Variants in HSPA12A observed in about 807,000 individuals in gnomAD.
HSPA12A encodes heat shock 70 kDa protein 12A.
HSPA12A carries 28 observed loss-of-function variants against 69.2 expected under a neutral mutation model. The observed-to-expected ratio is 0.40, with a 90% CI of 0.30 to 0.55. The LOEUF (loss-of-function observed/expected upper bound fraction) is 0.55. Ranked by LOEUF, HSPA12A falls within the 20% of genes least tolerant of loss-of-function variation. The probability of loss-of-function intolerance (pLI) is 0.38; values close to 1 mark genes in which losing one functional copy is unlikely to be tolerated. For missense variants in HSPA12A, 686 were observed against 900.7 expected, an observed-to-expected ratio of 0.76 and a Z score of 3.05; for synonymous variants, 345 against 370.5, an observed-to-expected ratio of 0.93 and a Z score of 0.79.
At chr10:116,683,759 G>C (rs782164334) in intron 7 of HSPA12A, 32 bp downstream of exon 7, 2 of 1,482,606 alleles carry the variant, frequency 1.3e-6, no homozygotes, top group Non-Finnish European at 1.8e-6. Flanking sequence ...GAAGGAAGGA[G>C]AGCAGGAGGG....
chr10:116,805,614 A>G (rs1001114064), intron 2 of HSPA12A, among the ~76,000 whole-genome samples: 11 of 152,102 alleles, frequency 7.2e-5, no homozygotes, highest in Non-Finnish European at 1.6e-4. Context: ...TTTGTCCTTG[A>G]AAAAAACAAA....
intron 1 of HSPA12A, among the ~76,000 whole-genome samples, chr10:116,724,471 G>T (rs1179218734): frequency 6.6e-6 from 1 of 152,154 alleles, no homozygotes; most frequent in African/African-American, 2.4e-5. Context: ...TCTTCTAAAA[G>T]AGAAGACCCC....
intron 2 of HSPA12A, among the ~76,000 whole-genome samples, chr10:116,752,748 C>T (rs1851801800): frequency 6.6e-6 from 1 of 152,180 alleles, no homozygotes; most frequent in Non-Finnish European, 1.5e-5. Flanking sequence ...GACTCATCTA[C>T]CCTCTCTGAT....
intron 2 of HSPA12A, among the ~76,000 whole-genome samples, chr10:116,783,391 G>C (rs1392242313): frequency 6.6e-6 from 1 of 152,204 alleles, no homozygotes; most frequent in South Asian, 2.1e-4. Context: ...TGGGAAGAGG[G>C]ACAGAGCCTG....
At position 116,795,777 on chromosome 10, in the gene HSPA12A, ATTAT is replaced by A. The variant is rs1352114126; in HGVS notation, c.91+39154_91+39157del. On this transcript the variant is annotated intron_variant, in intron 2 of 12. Transcript: ENST00000635765. ...ATATTAAATAAGTATATCATATATT[ATTAT>A]TTATAAATTATTATATACATAAATT... 4.7e-5 allele frequency among the ~76,000 whole-genome samples: 7 copies of A among 150,492 alleles called. No homozygotes were observed. The East Asian group carries it at 1.4e-3, about 29-fold the overall frequency.
chr10:116,711,468 A>G (rs1850424921), intron 1 of HSPA12A, among the ~76,000 whole-genome samples: 1 of 152,188 alleles, frequency 6.6e-6, no homozygotes, highest in Non-Finnish European at 1.5e-5. Flanking sequence ...CTCTATCAAG[A>G]AATGTGATCA....
intron 2 of HSPA12A, among the ~76,000 whole-genome samples, chr10:116,816,549 G>A (rs1845308351): frequency 6.6e-6 from 1 of 152,202 alleles, no homozygotes; most frequent in Admixed American, 6.5e-5. Context: ...TGTGGCTCAC[G>A]CACCTGACTT....
At position 116,696,002 on chromosome 10, in the gene HSPA12A, C is replaced by CAAAAAAAAAAAAAAAAAAAAAAAAA. The variant is rs71013609; in HGVS notation, c.546+2632_546+2633insTTTTTTTTTTTTTTTTTTTTTTTTT. On this transcript the variant is annotated intron_variant, in intron 5 of 11. Coordinates refer to ENST00000369209, the MANE Select transcript of HSPA12A (RefSeq NM_025015.3). ...TGGGCAACAGAGAGAGACTCCATCT[C>CAAAAAAAAAAAAAAAAAAAAAAAAA]AAAAAAAAAAAAAAAAAAAAAGGCT... Among the ~76,000 whole-genome samples, 9 of 32,722 alleles carry CAAAAAAAAAAAAAAAAAAAAAAAAA rather than the reference C, an allele frequency of 2.8e-4. 1 individual carries two copies. The highest frequency in any genetic ancestry group is 3.5e-4 in the Non-Finnish European group (7 of 19,856). 21.5% of individuals were successfully genotyped at this position (32,722 alleles called of 152,430 possible).
intron 2 of HSPA12A, among the ~76,000 whole-genome samples, chr10:116,763,019 G>A (rs1554889429): frequency 6.6e-6 from 1 of 152,154 alleles, no homozygotes; most frequent in Admixed American, 6.5e-5. Flanking sequence ...GCAATGACTT[G>A]GGTATGTCTG....
intron 2 of HSPA12A, among the ~76,000 whole-genome samples, chr10:116,783,491 G>A (rs1436943697): frequency 6.6e-6 from 1 of 152,176 alleles, no homozygotes; most frequent in African/African-American, 2.4e-5. Context: ...AGCACAGGCT[G>A]CACACGGACA....
intron 2 of HSPA12A, among the ~76,000 whole-genome samples, chr10:116,776,313 T>G (rs1554891145): frequency 6.6e-6 from 1 of 152,102 alleles, no homozygotes; most frequent in African/African-American, 2.4e-5. Flanking sequence ...CTTGGCCGCT[T>G]CCTCCCGCTG....
chr10:116,801,915 A>G (rs535641886), intron 2 of HSPA12A, among the ~76,000 whole-genome samples: 2 of 152,246 alleles, frequency 1.3e-5, no homozygotes, highest in East Asian at 3.9e-4. Flanking sequence ...TTGTGTCCAG[A>G]AAGTGTACAA....
In HSPA12A at chr10:116,705,267, G is replaced by A. The variant is rs1326084129; in HGVS notation, c.138C>T (p.Asp46=). ...LSPSHIVNDT[D]SNVSEQQSFL... is the part of the protein sequence containing the mutation. ...ATGACTGCTGTTCTGAGACGTTGGA[G>A]TCAGTGTCGTTCTGCAGATATACAG... is the stretch of plus-strand genomic sequence containing the variant. The change falls in exon 3 of 12, where the codon GAC becomes GAT. Residue 46 remains aspartate, a synonymous_variant. Coordinates refer to ENST00000369209, the MANE Select transcript of HSPA12A (RefSeq NM_025015.3). 1.9e-6 allele frequency: 3 copies of A among 1,614,072 alleles called. No homozygotes were observed. Among genetic ancestry groups the A allele is most frequent in the Admixed American group, 1.7e-5 (1 of 60,012 alleles).
In HSPA12A at chr10:116,710,535, T is replaced by C. The variant is rs1554882952; in HGVS notation, c.41-3250A>G. 6.6e-6 allele frequency among the ~76,000 whole-genome samples: 1 copy of C among 152,166 alleles called. No homozygotes were observed. The highest frequency in any genetic ancestry group is 1.5e-5 in the Non-Finnish European group (1 of 68,032). On this transcript the variant is annotated intron_variant, in intron 1 of 11. Transcript: ENST00000369209. This position sits in a 1 kb window ranked among gnomAD's most constrained non-coding sequence, Gnocchi z 4.1. ...AGAAGCAAGGATTTTTTGGTTCTGC[T>C]GTACCTCCCTTCAACCCCACGGCAA... is the stretch of plus-strand genomic sequence containing the variant.
At chr10:116,702,488 T>C (rs1030544455) in intron 3 of HSPA12A, among the ~76,000 whole-genome samples, 1 of 152,190 alleles carries the variant, frequency 6.6e-6, no homozygotes, top group Non-Finnish European at 1.5e-5. Context: ...CCACTGATAT[T>C]TGCTGCTCAA....
At chr10:116,791,729 G>A (rs1844705177) in intron 2 of HSPA12A, among the ~76,000 whole-genome samples, 1 of 152,044 alleles carries the variant, frequency 6.6e-6, no homozygotes, top group African/African-American at 2.4e-5. Flanking sequence ...GTTGAGAAAA[G>A]GTTGGCATCT....
intron 2 of HSPA12A, among the ~76,000 whole-genome samples, chr10:116,817,136 TA>T (rs763258525): frequency 1.4e-4 from 22 of 152,190 alleles, no homozygotes; most frequent in Non-Finnish European, 2.8e-4. Context: ...TCATATTTAT[TA>T]TTTTTTTGTT....
At chr10:116,782,907 G>A (rs988246031) in intron 2 of HSPA12A, among the ~76,000 whole-genome samples, 4 of 152,132 alleles carry the variant, frequency 2.6e-5, no homozygotes, top group African/African-American at 9.7e-5. Context: ...AACATACCAA[G>A]CCCAGGACAC....
At chr10:116,691,276 G>T (rs1238202221) in intron 6 of HSPA12A, among the ~76,000 whole-genome samples, 1 of 152,194 alleles carries the variant, frequency 6.6e-6, no homozygotes, top group African/African-American at 2.4e-5. Context: ...GTTGAACTGT[G>T]TGCTACTTGG....
Sources: allele counts gnomAD v4.1 joint callset (sites outside exome capture counted in the v4.1 genomes callset), GRCh38; gene constraint gnomAD v4.1.1; non-coding constraint Gnocchi (gnomAD v3.1); transcripts MANE v1.5; gene names NCBI Gene and HGNC (gene_info 2026-07-23, HGNC 2026-07-21).